The following PABPC4L variants were observed in gnomAD, a reference collection of about 807,000 sequenced individuals.
PABPC4L encodes the protein polyadenylate-binding protein 4-like.
For synonymous variants in PABPC4L, 169 were observed against 164.1 expected (o/e 1.03, Z -0.23); for missense variants, 452 against 451.4 (o/e 1.00, Z -0.01).
the PABPC4L span, among the ~76,000 whole-genome samples, chr4:134,160,269 G>T: frequency 6.6e-6 from 1 of 152,128 alleles, no homozygotes; most frequent in African/African-American, 2.4e-5. Context: ...GCCCAGTGCA[G>T]AGAGAGATCC....
chr4:134,103,029 C>A, the PABPC4L span, among the ~76,000 whole-genome samples: 2 of 151,446 alleles, frequency 1.3e-5, no homozygotes, highest in African/African-American at 4.8e-5. Context: ...CAGAATAACC[C>A]TTGAAAACTG....
chr4:134,200,355 A>T lies in PABPC4L; in HGVS notation c.665T>A (p.Met222Lys). The T allele has an allele frequency of 6.3e-7, 1 of 1,593,652 alleles. No homozygotes were observed. The highest frequency in any genetic ancestry group is 1.1e-5 in the South Asian group (1 of 88,056). The change falls in exon 2 of 2, where the codon ATG becomes AAG. Residue 222 changes from methionine to lysine, a missense_variant. By Grantham distance (95) the Met-to-Lys change is moderately conservative (BLOSUM62 -1). Transcript: ENST00000421491. The stretch of plus-strand genomic sequence containing the variant: ...TTTGGATTTCCCACTGGAATCTGTC[A>T]TCACCTTAACACTCAGAGTTTTGCC... ...KYGKTLSVKV[M>K]TDSSGKSKGF...
the PABPC4L span, among the ~76,000 whole-genome samples, chr4:134,076,196 A>C: frequency 1.4e-4 from 21 of 152,172 alleles, no homozygotes; most frequent in Non-Finnish European, 7.4e-5. Flanking sequence ...CAGAATTATG[A>C]CACTTCAAAA....
At chr4:133,960,381 A>T in the PABPC4L span, among the ~76,000 whole-genome samples, 1 of 152,330 alleles carries the variant, frequency 6.6e-6, no homozygotes, top group Non-Finnish European at 1.5e-5. Context: ...AGAGCCAAGC[A>T]AAATACAGAA....
chr4:134,081,441 C>G, the PABPC4L span, among the ~76,000 whole-genome samples: 1 of 152,116 alleles, frequency 6.6e-6, no homozygotes. Context: ...GAATTCTCAC[C>G]AGAGGCAGTA....
At chr4:134,123,610 T>C in the PABPC4L span, among the ~76,000 whole-genome samples, 12 of 152,164 alleles carry the variant, frequency 7.9e-5, no homozygotes, top group Admixed American at 3.3e-4. Flanking sequence ...CTGTAGACTA[T>C]ACAGGAATTC....
At chr4:134,136,482 A>G in the PABPC4L span, among the ~76,000 whole-genome samples, 2 of 152,046 alleles carry the variant, frequency 1.3e-5, no homozygotes, top group Non-Finnish European at 2.9e-5. Flanking sequence ...CTGGATTGCC[A>G]AATATTTTTT....
At chr4:133,962,225 T>A in the PABPC4L span, among the ~76,000 whole-genome samples, 1 of 152,166 alleles carries the variant, frequency 6.6e-6, no homozygotes, top group African/African-American at 2.4e-5. Context: ...AACAAGGATC[T>A]TTAACACAAC....
At chr4:134,132,877 A>G in the PABPC4L span, among the ~76,000 whole-genome samples, 1 of 147,188 alleles carries the variant, frequency 6.8e-6, no homozygotes, top group Non-Finnish European at 1.5e-5. Flanking sequence ...ATTATATTTT[A>G]TATAAATGTA....
the PABPC4L span, among the ~76,000 whole-genome samples, chr4:134,153,445 T>C: frequency 7.9e-5 from 12 of 152,184 alleles, no homozygotes; most frequent in East Asian, 1.9e-3. Flanking sequence ...TAATATTTAC[T>C]CTAAGTCAAA....
At chr4:134,112,970 G>A in the PABPC4L span, among the ~76,000 whole-genome samples, 1 of 151,822 alleles carries the variant, frequency 6.6e-6, no homozygotes, top group African/African-American at 2.4e-5. Flanking sequence ...ACCTGACTCT[G>A]TGTAGGTCTA....
chr4:133,948,556 C>A, the PABPC4L span, among the ~76,000 whole-genome samples: 1 of 152,188 alleles, frequency 6.6e-6, no homozygotes, highest in Non-Finnish European at 1.5e-5. Flanking sequence ...GATTCATATT[C>A]CCTATGGAGA....
the PABPC4L span, among the ~76,000 whole-genome samples, chr4:134,190,492 C>T: frequency 6.6e-6 from 1 of 151,900 alleles, no homozygotes; most frequent in Non-Finnish European, 1.5e-5. Context: ...CCTGTCCTTT[C>T]CCCAATTTCT....
the PABPC4L span, among the ~76,000 whole-genome samples, chr4:133,975,725 C>T: frequency 1.9e-3 from 283 of 152,148 alleles, no homozygotes; most frequent in African/African-American, 6.5e-3. Flanking sequence ...TAGCTCAGTT[C>T]GGGACATAGT....
chr4:134,120,234 A>C, the PABPC4L span, among the ~76,000 whole-genome samples: 2 of 142,976 alleles, frequency 1.4e-5, no homozygotes, highest in Non-Finnish European at 1.5e-5. Context: ...CCTAACCAGC[A>C]CTTGGTATTG....
the PABPC4L span, among the ~76,000 whole-genome samples, chr4:134,148,648 G>A: frequency 6.6e-6 from 1 of 152,134 alleles, no homozygotes; most frequent in South Asian, 2.1e-4. Context: ...TTGATTTAAT[G>A]GAAGCACTGA....
At chr4:133,950,948 T>C in the PABPC4L span, among the ~76,000 whole-genome samples, 13 of 152,226 alleles carry the variant, frequency 8.5e-5, no homozygotes, top group African/African-American at 3.1e-4. Context: ...TATCACTCCA[T>C]GGGCATATTT....
downstream of PABPC4L, among the ~76,000 whole-genome samples, chr4:134,192,583 T>C (rs1260153728): frequency 2.0e-5 from 3 of 152,152 alleles, no homozygotes; most frequent in Non-Finnish European, 4.4e-5. Flanking sequence ...TATAGTGGCA[T>C]TACTTGTTAT....
At chr4:134,069,988 GT>G in the PABPC4L span, among the ~76,000 whole-genome samples, 102 of 108,282 alleles carry the variant, frequency 9.4e-4, 1 homozygote, top group Middle Eastern at 0.01. Context: ...CCTTTGGAGG[GT>G]TTTTTTTTTT....
Sources: allele counts gnomAD v4.1 joint callset (sites outside exome capture counted in the v4.1 genomes callset), GRCh38; gene constraint gnomAD v4.1.1; transcripts MANE v1.5; gene names NCBI Gene and HGNC (gene_info 2026-07-23, HGNC 2026-07-21).